The following SMURF2 variants were observed in gnomAD, a reference collection of about 807,000 sequenced individuals.
SMURF2 encodes E3 ubiquitin-protein ligase SMURF2.
In SMURF2, 48 loss-of-function variants were observed where a neutral mutation model predicts 109.6. The ratio of observed to expected loss-of-function variants is 0.44; its 90% CI spans 0.35 to 0.56. The LOEUF is 0.56. Among genes scored for constraint, SMURF2 ranks in the 20% least tolerant of loss-of-function variants. The pLI is 0.01. For missense variants in SMURF2, 575 were observed against 909.0 expected (o/e 0.63, Z 4.72); for synonymous variants, 288 against 317.1 (o/e 0.91, Z 0.97).
chr17:64,598,983 A>C (rs1374632327), intron 2 of SMURF2, among the ~76,000 whole-genome samples: 4 of 152,244 alleles, frequency 2.6e-5, no homozygotes, highest in African/African-American at 9.6e-5. Context: ...CTGAAACAAA[A>C]GATGTAACAC....
rs1555683103 is a variant in SMURF2, at chr17:64,546,300, C to T, written c.2110G>A (p.Asp704Asn). The part of the protein sequence containing the change: ...GPRLFTIHQI[D>N]ACTNNLPKAH... The stretch of plus-strand genomic sequence containing the variant: ...TTCGGCAGGTTGTTAGTGCAGGCAT[C>T]AATCTGGTGTATGGTAAAGAGTCTC... The change falls in exon 18 of 19, where the codon GAT becomes AAT. Residue 704 changes from aspartate to asparagine, a missense_variant. Physicochemically the swap from Asp to Asn is conservative, Grantham distance 23. Coordinates refer to ENST00000262435, the MANE Select transcript of SMURF2 (RefSeq NM_022739.4). 6.2e-7 allele frequency: 1 copy of T among 1,613,998 alleles called. No homozygotes were observed. The highest frequency in any genetic ancestry group is 8.5e-7 in the Non-Finnish European group (1 of 1,179,922).
intron 2 of SMURF2, among the ~76,000 whole-genome samples, chr17:64,601,401 C>T (rs1969893693): frequency 6.6e-6 from 1 of 151,908 alleles, no homozygotes; most frequent in African/African-American, 2.4e-5. Flanking sequence ...AGACAATTCT[C>T]AAAAAAAGAT....
Position 64,544,716 on chromosome 17 carries a change from A to G in SMURF2, c.*1132T>C, listed in dbSNP as rs1968921252. ...GTTCATACTACCGCCCCTCAACCCC[A>G]CTTCATTCTGTTAGGTAAAAGCAGG... On this transcript the variant is annotated 3_prime_UTR_variant, in exon 19 of 19. Coordinates refer to ENST00000262435, the MANE Select transcript of SMURF2 (RefSeq NM_022739.4). The G allele has an allele frequency of 6.6e-6, 1 of 152,140 alleles. No individual in the cohort carries two copies. Among genetic ancestry groups the G allele is most frequent in the South Asian group, 2.1e-4 (1 of 4,834 alleles). The allele number at this position is 152,140 out of a possible 1,614,324, so 9.4% of individuals were successfully genotyped here.
chr17:64,550,486 A>G (rs552717046), intron 16 of SMURF2, among the ~76,000 whole-genome samples: 7 of 152,346 alleles, frequency 4.6e-5, no homozygotes, highest in African/African-American at 1.7e-4. Flanking sequence ...CGTTAATCTA[A>G]AGACATTTAG....
At chr17:64,646,154 T>C (rs1005422247) in intron 1 of SMURF2, among the ~76,000 whole-genome samples, 10 of 149,690 alleles carry the variant, frequency 6.7e-5, no homozygotes, top group African/African-American at 2.2e-4. Flanking sequence ...GCAACCTCCA[T>C]CTCCAGGTTC....
chr17:64,559,957 T>G (rs1969188454), intron 12 of SMURF2, among the ~76,000 whole-genome samples: 1 of 151,790 alleles, frequency 6.6e-6, no homozygotes, highest in Non-Finnish European at 1.5e-5. Flanking sequence ...TTTCATCATG[T>G]TGGCCAGGAT....
rs553637128 is a variant in SMURF2 at position 64,631,219 on chromosome 17, C to T, written c.53-24579G>A. 2.3e-3 allele frequency among the ~76,000 whole-genome samples: 273 copies of T among 117,494 alleles called. 2 individuals carry two copies. Among genetic ancestry groups the T allele is most frequent in the Non-Finnish European group, 3.7e-3 (214 of 58,394 alleles). 77.1% of individuals were successfully genotyped at this position (117,494 alleles called of 152,430 possible). A position where few individuals can be genotyped will look rare whatever the true frequency, so the allele number is the denominator to read the frequency against. On this transcript the variant is annotated intron_variant, in intron 1 of 18. Transcript: ENST00000262435. ...CAGGTCAAAAAAAGGGAGAGAGGGA[C>T]GGGGGTGAGGTGGGGTGGAGAGGGA...
intron 1 of SMURF2, among the ~76,000 whole-genome samples, chr17:64,627,864 C>A (rs1454957794): frequency 6.6e-6 from 1 of 152,206 alleles, no homozygotes; most frequent in Non-Finnish European, 1.5e-5. Flanking sequence ...AAGGACAGTT[C>A]ATGATCTTTT....
intron 12 of SMURF2, among the ~76,000 whole-genome samples, chr17:64,559,916 C>CT (rs1239607612): frequency 1.9e-4 from 28 of 147,462 alleles, no homozygotes; most frequent in South Asian, 6.5e-4. Flanking sequence ...CCCAGCTAAT[C>CT]TTTTTTTTTT....
At chr17:64,587,437 T>A (rs1349117689) in intron 5 of SMURF2, among the ~76,000 whole-genome samples, 4 of 152,018 alleles carry the variant, frequency 2.6e-5, no homozygotes, top group African/African-American at 9.7e-5. Flanking sequence ...GTCTGAATAA[T>A]GAAAAAGTTA....
At chr17:64,631,764 C>A (rs1435882292) in intron 1 of SMURF2, among the ~76,000 whole-genome samples, 1 of 152,148 alleles carries the variant, frequency 6.6e-6, no homozygotes, top group Admixed American at 6.6e-5. Flanking sequence ...GAAATATTTA[C>A]ACAATAATTA....
At chr17:64,587,934 G>C (rs1274584683) in intron 5 of SMURF2, among the ~76,000 whole-genome samples, 2 of 151,502 alleles carry the variant, frequency 1.3e-5, no homozygotes, top group African/African-American at 4.9e-5. Context: ...TACATCTCCA[G>C]AATGCTATGT....
intron 7 of SMURF2, among the ~76,000 whole-genome samples, chr17:64,582,179 A>G (rs1420561836): frequency 1.3e-5 from 2 of 152,186 alleles, no homozygotes; most frequent in East Asian, 3.9e-4. Flanking sequence ...GCAACTTGGC[A>G]ACATGAGCTA....
chr17:64,603,422 A>C (rs1041795897), intron 2 of SMURF2, among the ~76,000 whole-genome samples: 1 of 151,988 alleles, frequency 6.6e-6, no homozygotes, highest in South Asian at 2.1e-4. Context: ...TCTCTACTAA[A>C]AATACAAAAA....
At chr17:64,602,919 T>C (rs941225764) in intron 2 of SMURF2, among the ~76,000 whole-genome samples, 9 of 152,030 alleles carry the variant, frequency 5.9e-5, no homozygotes, top group Non-Finnish European at 4.4e-5. Context: ...AGACAGACTT[T>C]GTCTCAAGGG....
intron 2 of SMURF2, among the ~76,000 whole-genome samples, chr17:64,604,195 C>T (rs1223885877): frequency 6.6e-6 from 1 of 152,148 alleles, no homozygotes; most frequent in African/African-American, 2.4e-5. Context: ...AACTTCCATT[C>T]CTGGCTAACT....
chr17:64,566,441 G>T (rs2144612563), intron 10 of SMURF2, among the ~76,000 whole-genome samples: 1 of 151,320 alleles, frequency 6.6e-6, no homozygotes, highest in African/African-American at 2.4e-5. Context: ...CCCCAGGGAG[G>T]ATCTATCAGG....
chr17:64,606,694 T>C, intron 1 of SMURF2, 54 bp from the exon 2 acceptor site: 2 of 1,274,364 alleles, frequency 1.6e-6, no homozygotes, highest in South Asian at 2.8e-5. Flanking sequence ...GTTAAGAGTG[T>C]ACTGTTACAT....
chr17:64,621,359 C>T (rs2144695860), intron 1 of SMURF2, among the ~76,000 whole-genome samples: 1 of 152,290 alleles, frequency 6.6e-6, no homozygotes, highest in South Asian at 2.1e-4. Context: ...GTGGGTGGAT[C>T]ACCTGAGGTC....
Sources: allele counts gnomAD v4.1 joint callset (sites outside exome capture counted in the v4.1 genomes callset), GRCh38; gene constraint gnomAD v4.1.1; transcripts MANE v1.5; gene names NCBI Gene and HGNC (gene_info 2026-07-23, HGNC 2026-07-21).